B3GALT1: variants seen among roughly 807,000 people sequenced by gnomAD.
B3GALT1 encodes the protein beta-1,3-galactosyltransferase 1.
Under a neutral mutation model 23.2 loss-of-function variants are expected in B3GALT1, and 10 were observed. The observed-to-expected ratio is 0.43, with a 90% confidence interval of 0.27 to 0.73. The LOEUF (loss-of-function observed/expected upper bound fraction) is 0.73, where lower values mean the gene tolerates loss of function less well. Among genes scored for constraint, B3GALT1 ranks in the 30% least tolerant of loss-of-function variants. The pLI, the probability that B3GALT1 is intolerant of heterozygous loss-of-function variation, is 0.21. For synonymous variants in B3GALT1, 156 were observed against 141.5 expected, an observed-to-expected ratio of 1.10 and a Z score of -0.73; for missense variants, 299 against 405.4, an observed-to-expected ratio of 0.74 and a Z score of 2.25.
chr2:167,570,601 T>C (rs544321581), intron 2 of B3GALT1, among the ~76,000 whole-genome samples: 1 of 152,120 alleles, frequency 6.6e-6, no homozygotes, highest in South Asian at 2.1e-4. Flanking sequence ...TTATTTTGAA[T>C]ACTCAGCATT....
At chr2:167,529,642 G>A (rs76384683) in intron 2 of B3GALT1, among the ~76,000 whole-genome samples, 4,109 of 151,036 alleles carry the variant, frequency 0.027, 150 homozygotes, top group East Asian at 0.11. Context: ...TAGCACCTCC[G>A]TCTTTCAGTA....
At chr2:167,463,891 C>G (rs1699304734) in intron 1 of B3GALT1, among the ~76,000 whole-genome samples, 1 of 152,124 alleles carries the variant, frequency 6.6e-6, no homozygotes, top group Admixed American at 6.6e-5. Flanking sequence ...TTTTTAAGAT[C>G]AGACCTGACA....
At chr2:167,726,463 A>G (rs933793857) in intron 3 of B3GALT1, among the ~76,000 whole-genome samples, 2 of 152,214 alleles carry the variant, frequency 1.3e-5, no homozygotes, top group African/African-American at 2.4e-5. Flanking sequence ...ACCAGTAAGC[A>G]TGATTTAAGG....
At chr2:167,708,661 CA>C (rs948812252) in intron 3 of B3GALT1, among the ~76,000 whole-genome samples, 1 of 151,444 alleles carries the variant, frequency 6.6e-6, no homozygotes, top group Non-Finnish European at 1.5e-5. Flanking sequence ...GACTCCATCT[CA>C]AAAAAAAGAA....
At chr2:167,622,274 T>C (rs1467329416) in intron 2 of B3GALT1, among the ~76,000 whole-genome samples, 3 of 151,964 alleles carry the variant, frequency 2.0e-5, no homozygotes, top group African/African-American at 4.8e-5. Flanking sequence ...CAAAGAACCC[T>C]GAGTCTGTTG....
rs1368298567 is a variant in B3GALT1, at chr2:167,871,197, A to T, written c.*1177A>T. ...TACTTATTGGGCCATATGAGTAGGC[A>T]TCGTAATCTTGTGCTTCAATGTGTT... On this transcript the variant is annotated 3_prime_UTR_variant, in exon 5 of 5. Coordinates refer to ENST00000392690, the MANE Select transcript of B3GALT1 (RefSeq NM_020981.4). 3 of 152,184 alleles carry T rather than the reference A, an allele frequency of 2.0e-5. No homozygotes were observed. The highest frequency in any genetic ancestry group is 2.0e-4 in the Admixed American group (3 of 15,278). The allele number at this position is 152,184 out of a possible 1,614,324, so 9.4% of individuals were successfully genotyped here. A position where few individuals can be genotyped will look rare whatever the true frequency, so the allele number is the denominator to read the frequency against.
intron 3 of B3GALT1, among the ~76,000 whole-genome samples, chr2:167,797,052 G>T (rs1042960554): frequency 1.3e-5 from 2 of 152,072 alleles, no homozygotes; most frequent in Non-Finnish European, 2.9e-5. Context: ...TGCCATGGTG[G>T]TTTGCTGCAC....
Position 167,457,258 on chromosome 2 carries a change from C to T in B3GALT1, c.-510-32919C>T, listed in dbSNP as rs778723806. Reference sequence around the variant, plus strand: ...CGCGATCTCGGCTCACTGCAGCTTCCGCCTCCCAGGTTCAAACGATTCTCC... The same window carrying T: ...CGCGATCTCGGCTCACTGCAGCTTCTGCCTCCCAGGTTCAAACGATTCTCC... On this transcript the variant is annotated intron_variant, in intron 1 of 4. Transcript: ENST00000392690. Among the ~76,000 whole-genome samples the T allele has an allele frequency of 7.2e-5, 11 of 151,920 alleles. No individual in the cohort carries two copies. The South Asian group carries it at 1.0e-3, about 14-fold the overall frequency.
intron 4 of B3GALT1, among the ~76,000 whole-genome samples, chr2:167,839,314 A>G (rs528354660): frequency 0.01 from 1,517 of 151,096 alleles, 6 homozygotes; most frequent in African/African-American, 0.035. Flanking sequence ...TAAGCTGATA[A>G]GCAACTTCAG....
intron 2 of B3GALT1, among the ~76,000 whole-genome samples, chr2:167,635,261 C>G (rs943548405): frequency 6.6e-6 from 1 of 152,128 alleles, no homozygotes; most frequent in African/African-American, 2.4e-5. Context: ...TGCGCAAAAG[C>G]TGGAAGCATC....
intron 2 of B3GALT1, among the ~76,000 whole-genome samples, chr2:167,630,801 A>G (rs1054503584): frequency 6.6e-6 from 1 of 151,824 alleles, no homozygotes; most frequent in Non-Finnish European, 1.5e-5. Context: ...ATCCAAATGC[A>G]TTGATAGGGA....
At chr2:167,375,680 A>T (rs1276987515) in intron 1 of B3GALT1, among the ~76,000 whole-genome samples, 1 of 152,144 alleles carries the variant, frequency 6.6e-6, no homozygotes, top group Admixed American at 6.6e-5. Flanking sequence ...ATTTTTGTAC[A>T]TAGATTTTTG....
chr2:167,563,853 G>C (rs1684080850), intron 2 of B3GALT1, among the ~76,000 whole-genome samples: 1 of 147,594 alleles, frequency 6.8e-6, no homozygotes, highest in African/African-American at 2.5e-5. Context: ...AGCAGGGGCG[G>C]CCGGGCAGAG....
intron 1 of B3GALT1, among the ~76,000 whole-genome samples, chr2:167,464,841 C>G (rs960325100): frequency 6.6e-6 from 1 of 152,190 alleles, no homozygotes; most frequent in Non-Finnish European, 1.5e-5. Flanking sequence ...GTATTATCCA[C>G]AGCATGATTG....
chr2:167,676,543 A>G (rs1318973940), intron 3 of B3GALT1, among the ~76,000 whole-genome samples: 1 of 144,256 alleles, frequency 6.9e-6, no homozygotes, highest in Admixed American at 6.7e-5. Context: ...ACACACACAC[A>G]CACACACACA....
At chr2:167,511,511 CAATT>C (rs1254434995) in intron 2 of B3GALT1, among the ~76,000 whole-genome samples, 4 of 152,212 alleles carry the variant, frequency 2.6e-5, no homozygotes, top group East Asian at 1.9e-4. Context: ...AACTGTGAGC[CAATT>C]AATTAAACCT....
At chr2:167,697,509 A>G (rs1480108671) in intron 3 of B3GALT1, among the ~76,000 whole-genome samples, 2 of 152,218 alleles carry the variant, frequency 1.3e-5, no homozygotes, top group Non-Finnish European at 2.9e-5. Context: ...ATTCTTCCAC[A>G]CAACAATACA....
In B3GALT1 at chr2:167,870,148, T is replaced by C. The variant is rs1382570837; in HGVS notation, c.*128T>C. ...TTTGTAAAGTTTTTGCTTCCTGCTA[T>C]AAGTTCTTTTCTTGGATTACCAATT... On this transcript the variant is annotated 3_prime_UTR_variant, in exon 5 of 5. Coordinates refer to ENST00000392690, the MANE Select transcript of B3GALT1 (RefSeq NM_020981.4). 1.5e-5 allele frequency: 15 copies of C among 991,388 alleles called. No individual in the cohort carries two copies. The highest frequency in any genetic ancestry group is 3.0e-5 in the Admixed American group (1 of 33,670). The allele number at this position is 991,388 out of a possible 1,614,324, so 61.4% of individuals were successfully genotyped here.
At chr2:167,315,383 A>G (rs977134692) in intron 1 of B3GALT1, among the ~76,000 whole-genome samples, 1 of 152,040 alleles carries the variant, frequency 6.6e-6, no homozygotes, top group African/African-American at 2.4e-5. Context: ...TGGGTTGGAC[A>G]TTTTCAGAGT....
Sources: gnomAD v4.1 joint callset for allele counts (sites outside exome capture counted in the v4.1 genomes callset) on GRCh38, gnomAD v4.1.1 for gene constraint, MANE v1.5 for transcripts, NCBI Gene and HGNC (gene_info 2026-07-23, HGNC 2026-07-21) for gene names.